Variants in CAPS2 observed in about 807,000 individuals in gnomAD.
CAPS2 encodes the protein calcyphosine 2, also known as calcyphosin-2.
Under a neutral mutation model 86.5 loss-of-function variants are expected in CAPS2, and 98 were observed. The observed-to-expected ratio is 1.13, with a 90% CI of 0.96 to 1.34. The LOEUF is 1.34. Ranked by LOEUF, CAPS2 falls within the 40% of genes most tolerant of loss-of-function variation. CAPS2 has a pLI of 0.00. For synonymous variants in CAPS2, 210 were observed against 225.1 expected, an observed-to-expected ratio of 0.93 and a Z score of 0.60; for missense variants, 729 against 686.8, an observed-to-expected ratio of 1.06 and a Z score of -0.69.
rs2040280897 is a variant in CAPS2 at position 75,321,392 on chromosome 12, T to C, written c.468+8A>G. ...GTCATTAGAATTTTTTAAAGCCTCA[T>C]ACATTACCTTTTCATCTATCTTGTT... On this transcript the variant is annotated splice_region_variant and intron_variant, in intron 5 of 16. Coordinates refer to ENST00000393284, the Ensembl canonical transcript of CAPS2. 4 of 1,514,156 alleles carry C rather than the reference T, an allele frequency of 2.6e-6. No homozygotes were observed. Among genetic ancestry groups the C allele is most frequent in the African/African-American group, 1.4e-5 (1 of 71,422 alleles). The allele number at this position is 1,514,156 out of a possible 1,614,324, so 93.8% of individuals were successfully genotyped here.
intron 1 of CAPS2, among the ~76,000 whole-genome samples, chr12:75,369,286 G>T (rs940198699): frequency 6.6e-6 from 1 of 151,460 alleles, no homozygotes; most frequent in Non-Finnish European, 1.5e-5. Flanking sequence ...AGCATTCATC[G>T]CTGACATTAT....
intron 1 of CAPS2, among the ~76,000 whole-genome samples, chr12:75,356,610 A>G (rs1403042489): frequency 1.3e-5 from 2 of 152,200 alleles, no homozygotes; most frequent in South Asian, 2.1e-4. Context: ...AATTAACCCA[A>G]AGAAAGGCAA....
intron 1 of CAPS2, among the ~76,000 whole-genome samples, chr12:75,367,470 C>A (rs943074188): frequency 6.6e-6 from 1 of 151,932 alleles, no homozygotes; most frequent in Non-Finnish European, 1.5e-5. Flanking sequence ...TAGCCTAGGC[C>A]TACACAGGGT....
chr12:75,319,784 G>C (rs944821345), intron 5 of CAPS2, among the ~76,000 whole-genome samples: 1 of 152,036 alleles, frequency 6.6e-6, no homozygotes, highest in Non-Finnish European at 1.5e-5. Flanking sequence ...TTTACATGTT[G>C]ATCTCTGCTT....
intron 14 of CAPS2, among the ~76,000 whole-genome samples, chr12:75,285,526 T>C (rs1397116844): frequency 2.6e-5 from 4 of 152,000 alleles, no homozygotes; most frequent in African/African-American, 9.6e-5. Flanking sequence ...ATAGTTTCCA[T>C]GCTGTGCAAT....
chr12:75,338,619 G>A (rs1298814654), intron 1 of CAPS2, among the ~76,000 whole-genome samples: 1 of 151,786 alleles, frequency 6.6e-6, no homozygotes, highest in African/African-American at 2.4e-5. Flanking sequence ...AAGTTCTGGG[G>A]TACATGTGCA....
At chr12:75,316,564 G>A (rs904186655) in intron 5 of CAPS2, 130 bp from the exon 6 acceptor site, 9 of 857,086 alleles carry the variant, frequency 1.1e-5, no homozygotes, top group Non-Finnish European at 1.5e-5. Flanking sequence ...TACAGGCTCT[G>A]AAAATCAGAT....
chr12:75,388,335 C>G (rs1344348498), intron 1 of CAPS2, among the ~76,000 whole-genome samples: 1 of 152,136 alleles, frequency 6.6e-6, no homozygotes, highest in African/African-American at 2.4e-5. Context: ...TTGGGTCTGT[C>G]TTTATTAGTG....
chr12:75,293,251 G>A (rs546444773), exon 12 of CAPS2: 5 of 1,567,168 alleles, frequency 3.2e-6, no homozygotes, highest in Middle Eastern at 1.7e-4. Context: ...TAACTTACTT[G>A]AGAGAATCCA....
chr12:75,312,412 T>C (rs561089630), intron 7 of CAPS2, among the ~76,000 whole-genome samples: 13 of 152,220 alleles, frequency 8.5e-5, no homozygotes, highest in African/African-American at 2.6e-4. Flanking sequence ...GTTGCTATGA[T>C]AAAAAGCAAA....
At chr12:75,353,873 A>G (rs2042971064) in intron 1 of CAPS2, among the ~76,000 whole-genome samples, 2 of 152,220 alleles carry the variant, frequency 1.3e-5, no homozygotes, top group African/African-American at 4.8e-5. Flanking sequence ...TTATATCATC[A>G]GAACTAAAGA....
chr12:75,363,265 G>T, intron 1 of CAPS2: 1 of 654,542 alleles, frequency 1.5e-6, no homozygotes, highest in South Asian at 4.3e-5. Context: ...TTAAAATTTG[G>T]CTTCTCAAGT....
At chr12:75,338,082 A>C (rs548424742) in intron 1 of CAPS2, among the ~76,000 whole-genome samples, 1 of 152,282 alleles carries the variant, frequency 6.6e-6, no homozygotes, top group African/African-American at 2.4e-5. Context: ...TCTTTGTGAA[A>C]CTGAAAGAGA....
chr12:75,347,671 C>T (rs760925341), intron 1 of CAPS2: 3 of 1,608,174 alleles, frequency 1.9e-6, no homozygotes, highest in African/African-American at 2.7e-5. Flanking sequence ...GCAATGTGTC[C>T]TAACCTTGGG....
chr12:75,368,778 T>C (rs1202532054), intron 1 of CAPS2, among the ~76,000 whole-genome samples: 1 of 151,986 alleles, frequency 6.6e-6, no homozygotes, highest in African/African-American at 2.4e-5. Flanking sequence ...CTGATTAATT[T>C]TTTAATGTTT....
At chr12:75,359,449 T>C (rs1038215783) in intron 1 of CAPS2, among the ~76,000 whole-genome samples, 1 of 146,770 alleles carries the variant, frequency 6.8e-6, no homozygotes, top group Non-Finnish European at 1.5e-5. Context: ...TTTTATTGTA[T>C]AAATTGACAA....
At chr12:75,388,992 A>AG (rs2045434876) in intron 1 of CAPS2, among the ~76,000 whole-genome samples, 1 of 152,222 alleles carries the variant, frequency 6.6e-6, no homozygotes, top group African/African-American at 2.4e-5. Flanking sequence ...GGTAAAAAAA[A>AG]CAAAACAAAA....
chr12:75,335,931 A>C (rs1293995436), intron 1 of CAPS2, among the ~76,000 whole-genome samples: 1 of 152,046 alleles, frequency 6.6e-6, no homozygotes, highest in Non-Finnish European at 1.5e-5. Context: ...ATGATAAAAA[A>C]GAGTAAATGT....
intron 1 of CAPS2, among the ~76,000 whole-genome samples, chr12:75,339,300 G>A (rs2041945734): frequency 6.6e-6 from 1 of 152,104 alleles, no homozygotes; most frequent in Non-Finnish European, 1.5e-5. Flanking sequence ...ATTCTGAGTG[G>A]CCTAAGATGG....
Sources: allele counts gnomAD v4.1 joint callset (sites outside exome capture counted in the v4.1 genomes callset), GRCh38; gene constraint gnomAD v4.1.1; transcripts MANE v1.5; gene names NCBI Gene and HGNC (gene_info 2026-07-23, HGNC 2026-07-21).